The following DNMT1 variants were observed in gnomAD, a reference collection of about 807,000 sequenced individuals.
DNMT1 encodes the protein DNA (cytosine-5)-methyltransferase 1.
DNMT1 carries 24 observed loss-of-function variants against 205.3 expected under a neutral mutation model. That is an observed-to-expected ratio of 0.12 (90% confidence interval 0.08 to 0.16). DNMT1 has a LOEUF of 0.16. Among genes scored for constraint, DNMT1 ranks in the 10% least tolerant of loss-of-function variants. The pLI, the probability that DNMT1 is intolerant of heterozygous loss-of-function variation, is 1.00. For missense variants in DNMT1, 1,293 were observed against 2,177.7 expected (o/e 0.59, Z 8.09); for synonymous variants, 817 against 839.8 (o/e 0.97, Z 0.47).
chr19:10,149,954 C>A lies in DNMT1; in HGVS notation c.2280G>T (p.Lys760Asn). 6.2e-7 allele frequency: 1 copy of A among 1,614,190 alleles called. No individual in the cohort carries two copies. Among genetic ancestry groups the A allele is most frequent in the Non-Finnish European group, 8.5e-7 (1 of 1,180,022 alleles). Residue 760 changes from lysine (K) to asparagine (N), a missense_variant, in exon 25 of 41, where the codon AAG becomes AAT. Physicochemically the swap from Lys to Asn is moderately conservative, Grantham distance 94. This residue lies in a region of DNMT1 where 197 missense variants were observed against 353.6 expected (regional missense o/e 0.56). Transcript: ENST00000359526. ...CAATGCACACCTTCTTATAGTAACT[C>A]TTCTTCCCATCAGTCTGAAAATGAG... Reference protein sequence around the residue: ...VGEAVKTDGKKSYYKKVCIDA... With the variant: ...VGEAVKTDGKNSYYKKVCIDA...
At chr19:10,160,256 T>C in intron 14 of DNMT1, 128 bp downstream of exon 14, 1 of 1,537,176 alleles carries the variant, frequency 6.5e-7, no homozygotes, top group Non-Finnish European at 8.9e-7. Context: ...TGGTCCTATG[T>C]TCACCAACCC....
rs140993011 is a variant in DNMT1 at position 10,149,568 on chromosome 19, G to A, written c.2471C>T (p.Thr824Met). 1.6e-5 allele frequency: 26 copies of A among 1,613,776 alleles called. No individual in the cohort carries two copies. Among genetic ancestry groups the A allele is most frequent in the Admixed American group, 1.7e-5 (1 of 59,942 alleles). ...CAAGAACAGCTCCAGAGGGTCCGAC[G>A]TGGCCCCGAGGACTGTGTCTGTCCC... Reference protein sequence around the residue: ...CAGTDTVLGATSDPLELFLVD... With the variant: ...CAGTDTVLGAMSDPLELFLVD... Residue 824 changes from threonine (T) to methionine (M), a missense_variant, in exon 26 of 41, where the codon ACG becomes ATG. This residue lies in a region of DNMT1 where 197 missense variants were observed against 353.6 expected (regional missense o/e 0.56). Coordinates refer to ENST00000359526, the MANE Select transcript of DNMT1 (RefSeq NM_001130823.3).
chr19:10,166,417 A>T (rs2038693879), intron 11 of DNMT1, among the ~76,000 whole-genome samples, 181 bp downstream of exon 11: 1 of 152,106 alleles, frequency 6.6e-6, no homozygotes, highest in Non-Finnish European at 1.5e-5. Context: ...ACAGGCATCC[A>T]GCCACAAATC....
chr19:10,150,348 C>A (rs1475699760), intron 24 of DNMT1, among the ~76,000 whole-genome samples: 1 of 152,220 alleles, frequency 6.6e-6, no homozygotes, highest in Non-Finnish European at 1.5e-5. Context: ...GCTGCAGGGG[C>A]CTCCTTCCTT....
chr19:10,180,256 G>A, intron 4 of DNMT1, 22 bp from the exon 5 acceptor site: 2 of 1,475,980 alleles, frequency 1.4e-6, no homozygotes, highest in Non-Finnish European at 1.9e-6. Context: ...AGGTTACAGT[G>A]AGCCGAGGTT....
At position 10,136,117 on chromosome 19, in the gene DNMT1, C is replaced by T; in HGVS notation, c.4656+4G>A. 6.2e-7 allele frequency: 1 copy of T among 1,614,010 alleles called. No individual in the cohort carries two copies. Among genetic ancestry groups the T allele is most frequent in the Non-Finnish European group, 8.5e-7 (1 of 1,180,036 alleles). ...AGGCCCTCGGATGCCCCCTCCCCACCTACCTGCTTGCCCATGGGCTCGGGG... is the reference window on the plus strand; with the variant it reads ...AGGCCCTCGGATGCCCCCTCCCCACTTACCTGCTTGCCCATGGGCTCGGGG... On this transcript the variant is annotated splice_donor_region_variant and intron_variant, in intron 38 of 40. Transcript: ENST00000359526.
chr19:10,148,281 G>A (rs2038246521), intron 27 of DNMT1, among the ~76,000 whole-genome samples: 1 of 151,272 alleles, frequency 6.6e-6, no homozygotes, highest in East Asian at 1.9e-4. Context: ...CAGATCACAA[G>A]GTCAGGAGAT....
chr19:10,182,193 GT>G, intron 1 of DNMT1, 116 bp from the exon 2 acceptor site: 1 of 1,126,524 alleles, frequency 8.9e-7, no homozygotes, highest in Non-Finnish European at 1.3e-6. Context: ...ACATATGAGT[GT>G]TAGAAAAAAC....
chr19:10,138,219 G>A lies in DNMT1; in HGVS notation c.4116-210C>T, dbSNP rs1230114669. ...TGTGGATGACCACAGCCAAGCATGC[G>A]GCTGGCCGCTCTGCACATGCTATCT... is the stretch of plus-strand genomic sequence containing the variant. On this transcript the variant is annotated intron_variant, in intron 35 of 40. Transcript: ENST00000359526. The surrounding 1 kb of genome is among the most constrained non-coding windows in gnomAD (Gnocchi z 4.1). 3.3e-5 allele frequency among the ~76,000 whole-genome samples: 5 copies of A among 152,228 alleles called. No individual in the cohort carries two copies. Among genetic ancestry groups the A allele is most frequent in the African/African-American group, 7.2e-5 (3 of 41,456 alleles).
chr19:10,186,260 T>G (rs2039177741), intron 1 of DNMT1, among the ~76,000 whole-genome samples: 1 of 152,290 alleles, frequency 6.6e-6, no homozygotes, highest in South Asian at 2.1e-4. Flanking sequence ...CCTAGAATGT[T>G]TCATCCAGTA....
intron 1 of DNMT1, among the ~76,000 whole-genome samples, chr19:10,187,988 A>T (rs2145402502): frequency 6.6e-6 from 1 of 151,912 alleles, no homozygotes; most frequent in South Asian, 2.1e-4. Context: ...AACAAAAAAT[A>T]GTAATTAGCT....
chr19:10,153,199 G>A (rs2038385975), intron 22 of DNMT1, among the ~76,000 whole-genome samples: 1 of 152,150 alleles, frequency 6.6e-6, no homozygotes, highest in South Asian at 2.1e-4. Context: ...CAAGGATGCT[G>A]CCACATATTT....
chr19:10,156,568 A>C lies in DNMT1; in HGVS notation c.1281-59T>G. 7.9e-7 allele frequency: 1 copy of C among 1,269,974 alleles called. No homozygotes were observed. Among genetic ancestry groups the C allele is most frequent in the Non-Finnish European group, 1.2e-6 (1 of 867,740 alleles). 78.7% of individuals were successfully genotyped at this position (1,269,974 alleles called of 1,614,324 possible). Reference sequence around the variant, plus strand: ...AAGCCGTGAAGGCGGGTCTTCGTGCAGACTTCAGATCAGGCACGAGGCAAT... The same window carrying C: ...AAGCCGTGAAGGCGGGTCTTCGTGCCGACTTCAGATCAGGCACGAGGCAAT... On this transcript the variant is annotated intron_variant, in intron 17 of 40. Coordinates refer to ENST00000359526, the MANE Select transcript of DNMT1 (RefSeq NM_001130823.3). The surrounding 1 kb of genome is among the most constrained non-coding windows in gnomAD (Gnocchi z 4.2).
chr19:10,189,465 G>T (rs1406985718), intron 1 of DNMT1, among the ~76,000 whole-genome samples: 2 of 150,752 alleles, frequency 1.3e-5, no homozygotes, highest in East Asian at 3.9e-4. Context: ...CTTCACCCAG[G>T]CTGGAGTGCA....
intron 27 of DNMT1, among the ~76,000 whole-genome samples, chr19:10,148,243 TC>T (rs1395869864): frequency 3.2e-4 from 49 of 151,030 alleles, no homozygotes; most frequent in African/African-American, 1.1e-3. Flanking sequence ...ACGCCTGTAA[TC>T]CCAGCACTTT....
In DNMT1 at chr19:10,140,645, G is replaced by C; in HGVS notation, c.3523+136C>G. 6.7e-7 allele frequency: 1 copy of C among 1,498,690 alleles called. No individual in the cohort carries two copies. The highest frequency in any genetic ancestry group is 9.2e-7 in the Non-Finnish European group (1 of 1,084,832). 92.8% of individuals were successfully genotyped at this position (1,498,690 alleles called of 1,614,324 possible). A position where few individuals can be genotyped will look rare whatever the true frequency, so the allele number is the denominator to read the frequency against. On this transcript the variant is annotated intron_variant, in intron 32 of 40. Transcript: ENST00000359526. This position sits in a 1 kb window ranked among gnomAD's most constrained non-coding sequence, Gnocchi z 8.4. ...GGCCTCCCAAAGTGCTGGGATTACA[G>C]GCGTGCGCCACCGTGCCTGGCCTCG...
At chr19:10,143,629 A>C in intron 29 of DNMT1, 137 bp downstream of exon 29, 1 of 993,628 alleles carries the variant, frequency 1.0e-6, no homozygotes, top group Non-Finnish European at 1.6e-6. Flanking sequence ...GCCCACCGAT[A>C]ATCAGAAACA....
intron 13 of DNMT1, among the ~76,000 whole-genome samples, chr19:10,162,346 T>TGCAACCTCCACCTCCCAGGCTCAA (rs2038586132): frequency 6.6e-6 from 1 of 151,260 alleles, no homozygotes; most frequent in Non-Finnish European, 1.5e-5. Context: ...CTCGGCTCAC[T>TGCAACCTCCACCTCCCAGGCTCAA]GCAACCTCCA....
At chr19:10,162,415 G>A (rs560014531) in intron 13 of DNMT1, among the ~76,000 whole-genome samples, 5 of 151,488 alleles carry the variant, frequency 3.3e-5, no homozygotes, top group Admixed American at 6.6e-5. Flanking sequence ...GACTACGGGC[G>A]TGCACCACCA....
Sources: allele counts gnomAD v4.1 joint callset (sites outside exome capture counted in the v4.1 genomes callset), GRCh38; gene constraint gnomAD v4.1.1; regional missense constraint gnomAD v4.1.1; non-coding constraint Gnocchi (gnomAD v3.1); transcripts MANE v1.5; gene names NCBI Gene and HGNC (gene_info 2026-07-23, HGNC 2026-07-21).